KIAA1217: variants seen among roughly 807,000 people sequenced by gnomAD.
KIAA1217 encodes the protein KIAA1217, also known as sickle tail protein homolog.
In KIAA1217, 88 loss-of-function variants were observed where a neutral mutation model predicts 163.9. That is an observed-to-expected ratio of 0.54 (90% CI 0.45 to 0.64). The LOEUF (loss-of-function observed/expected upper bound fraction) is 0.64, where lower values mean the gene tolerates loss of function less well. Ranked by LOEUF, KIAA1217 falls within the 30% of genes least tolerant of loss-of-function variation. The pLI is 0.00. For missense variants in KIAA1217, 2,372 were observed against 2,475.0 expected, an observed-to-expected ratio of 0.96 and a Z score of 0.88; for synonymous variants, 903 against 923.1, an observed-to-expected ratio of 0.98 and a Z score of 0.39.
chr10:23,824,253 G>A (rs1837762913), intron 1 of KIAA1217, among the ~76,000 whole-genome samples: 1 of 151,956 alleles, frequency 6.6e-6, no homozygotes, highest in African/African-American at 2.4e-5. Flanking sequence ...CAGACTGAGT[G>A]ACAGGAGTTA....
intron 1 of KIAA1217, among the ~76,000 whole-genome samples, chr10:23,903,185 T>C (rs568170823): frequency 7.9e-5 from 12 of 152,272 alleles, no homozygotes; most frequent in African/African-American, 2.6e-4. Context: ...TGTTAATTTA[T>C]AAAATAAAAT....
intron 2 of KIAA1217, among the ~76,000 whole-genome samples, chr10:24,262,947 CAAA>C (rs1170873868): frequency 1.3e-4 from 13 of 97,914 alleles, no homozygotes; most frequent in East Asian, 3.0e-4. Flanking sequence ...GACCCTGTCT[CAAA>C]AAAAAAAAAA....
chr10:24,365,082 G>A (rs936120986), intron 2 of KIAA1217, among the ~76,000 whole-genome samples: 1 of 152,138 alleles, frequency 6.6e-6, no homozygotes, highest in East Asian at 1.9e-4. Flanking sequence ...TGGGGTTACA[G>A]GAGTGAGCCA....
intron 1 of KIAA1217, among the ~76,000 whole-genome samples, chr10:23,819,967 T>C (rs556640167): frequency 2.8e-4 from 42 of 152,220 alleles, no homozygotes; most frequent in Non-Finnish European, 5.9e-4. Flanking sequence ...AAATGTATGA[T>C]AGTGCCTATT....
chr10:24,391,240 C>G (rs1192541022), intron 3 of KIAA1217, among the ~76,000 whole-genome samples: 1 of 150,934 alleles, frequency 6.6e-6, no homozygotes, highest in Non-Finnish European at 1.5e-5. Context: ...TTTAGAGGGA[C>G]TTTCAGTGAT....
chr10:24,082,580 C>T (rs897140549), intron 2 of KIAA1217, among the ~76,000 whole-genome samples: 1 of 152,130 alleles, frequency 6.6e-6, no homozygotes, highest in Non-Finnish European at 1.5e-5. Context: ...TGCTCTTTTT[C>T]CTTTTTATAG....
chr10:24,535,480 A>G (rs2073865573), intron 16 of KIAA1217, among the ~76,000 whole-genome samples: 1 of 152,230 alleles, frequency 6.6e-6, no homozygotes, highest in African/African-American at 2.4e-5. Flanking sequence ...ATTCATTTAA[A>G]TAAGTGGTCT....
At chr10:24,340,877 T>G (rs549754041) in intron 2 of KIAA1217, among the ~76,000 whole-genome samples, 2 of 152,372 alleles carry the variant, frequency 1.3e-5, no homozygotes, top group African/African-American at 4.8e-5. Context: ...CAGAAATGCC[T>G]CAGCATTTGA....
chr10:24,026,887 A>AT (rs538510638), intron 2 of KIAA1217, among the ~76,000 whole-genome samples: 95 of 151,770 alleles, frequency 6.3e-4, no homozygotes, highest in African/African-American at 2.1e-3. Flanking sequence ...AAGCTATATA[A>AT]TATCATATAA....
At chr10:24,203,867 C>T (rs546827682), upstream of KIAA1217, among the ~76,000 whole-genome samples, 27 of 152,292 alleles carry the variant, frequency 1.8e-4, no homozygotes, top group African/African-American at 5.8e-4. Context: ...ACCTGGAATC[C>T]AGACTTTGTC....
At chr10:24,191,785 G>C (rs375569203) in intron 2 of KIAA1217, among the ~76,000 whole-genome samples, 3 of 152,054 alleles carry the variant, frequency 2.0e-5, no homozygotes, top group Non-Finnish European at 2.9e-5. Context: ...ACAGAGTCTC[G>C]CTCTGTTGCC....
chr10:24,324,304 C>T (rs895860557), intron 2 of KIAA1217, among the ~76,000 whole-genome samples: 1 of 151,990 alleles, frequency 6.6e-6, no homozygotes. Context: ...CTGTGGCTCA[C>T]GCCTGTAATC....
chr10:24,537,199 C>G (rs2074148527), intron 17 of KIAA1217, among the ~76,000 whole-genome samples: 3 of 152,100 alleles, frequency 2.0e-5, no homozygotes, highest in Non-Finnish European at 4.4e-5. Context: ...TATATAGAAA[C>G]AGCAACCAAG....
chr10:23,750,665 G>T (rs1839687333), intron 1 of KIAA1217, among the ~76,000 whole-genome samples: 1 of 152,078 alleles, frequency 6.6e-6, no homozygotes. Context: ...TAACTCCCCA[G>T]TGCCCAGGAC....
intron 1 of KIAA1217, among the ~76,000 whole-genome samples, chr10:23,964,991 A>G (rs1197304928): frequency 1.3e-5 from 2 of 152,226 alleles, no homozygotes; most frequent in Non-Finnish European, 2.9e-5. Flanking sequence ...ATTAGAGGCA[A>G]AGGAACAGAA....
At chr10:24,533,771 C>T (rs1051472994) in intron 16 of KIAA1217, among the ~76,000 whole-genome samples, 1 of 152,204 alleles carries the variant, frequency 6.6e-6, no homozygotes, top group East Asian at 1.9e-4. Context: ...TTTCCATTTT[C>T]CTTGGTCTAT....
At chr10:24,372,997 G>T (rs911598912) in intron 2 of KIAA1217, among the ~76,000 whole-genome samples, 1 of 152,206 alleles carries the variant, frequency 6.6e-6, no homozygotes, top group Non-Finnish European at 1.5e-5. Context: ...TTAAGGGGAA[G>T]CATTTTCCCC....
At chr10:24,201,556 T>C (rs1224648052) in intron 2 of KIAA1217, among the ~76,000 whole-genome samples, 2 of 152,120 alleles carry the variant, frequency 1.3e-5, no homozygotes, top group Non-Finnish European at 2.9e-5. Flanking sequence ...ATCAATACTT[T>C]GTAAATCCTG....
At chr10:23,863,425 G>A (rs1840045611) in intron 1 of KIAA1217, among the ~76,000 whole-genome samples, 1 of 152,130 alleles carries the variant, frequency 6.6e-6, no homozygotes, top group African/African-American at 2.4e-5. Context: ...CATATTTAAT[G>A]AGATTAAGAC....
Sources: allele counts gnomAD v4.1 joint callset (sites outside exome capture counted in the v4.1 genomes callset), GRCh38; gene constraint gnomAD v4.1.1; transcripts MANE v1.5; gene names NCBI Gene and HGNC (gene_info 2026-07-23, HGNC 2026-07-21).